Variants in NLGN4X observed in about 807,000 individuals in gnomAD.
The protein encoded by NLGN4X is neuroligin 4 X-linked, also known as neuroligin-4, X-linked.
NLGN4X carries 3 observed loss-of-function variants against 40.3 expected under a neutral mutation model. The observed-to-expected ratio is 0.07, with a 90% CI of 0.03 to 0.19. The LOEUF is 0.19. NLGN4X is among the 10% of genes least tolerant of loss of function. The pLI is 1.00. For missense variants in NLGN4X, 382 were observed against 708.3 expected (o/e 0.54, Z 5.23); for synonymous variants, 270 against 306.8 (o/e 0.88, Z 1.25).
At chrX:6,177,451 C>T (rs892218966) in intron 1 of NLGN4X, among the ~76,000 whole-genome samples, 9 of 112,110 alleles carry the variant, frequency 8.0e-5, no homozygotes, top group African/African-American at 2.9e-4. Flanking sequence ...CAGGCGTGAG[C>T]CACTGCGCCT....
At position 6,175,655 on chromosome X, in the gene NLGN4X, G is replaced by GAA. The variant is rs3045369; in HGVS notation, c.-305-23886_-305-23885dup. Reference sequence around the variant, plus strand: ...TCAAGTTATATCATTATCTATTACAGAAAAAAAAAAAAAAAAAACAAGATA... The same window carrying GAA: ...TCAAGTTATATCATTATCTATTACAGAAAAAAAAAAAAAAAAAAAACAAGATA... On this transcript the variant is annotated intron_variant, in intron 1 of 5. Transcript: ENST00000381095. Among the ~76,000 whole-genome samples the GAA allele has an allele frequency of 3.4e-3, 210 of 60,964 alleles. 2 individuals are homozygous for GAA. The highest frequency in any genetic ancestry group is 0.019 in the South Asian group (15 of 807). 52.9% of individuals were successfully genotyped at this position (60,964 alleles called of 115,157 possible). A position where few individuals can be genotyped will look rare whatever the true frequency, so the allele number is the denominator to read the frequency against.
chrX:5,910,128 C>A (rs1229853365), intron 3 of NLGN4X, among the ~76,000 whole-genome samples: 1 of 111,075 alleles, frequency 9.0e-6, no homozygotes, highest in East Asian at 2.8e-4. Flanking sequence ...TGAAAAATAG[C>A]TTGACCTGGA....
chrX:6,131,111 A>G (rs2039671148), intron 2 of NLGN4X, among the ~76,000 whole-genome samples: 2 of 111,465 alleles, frequency 1.8e-5, no homozygotes, highest in South Asian at 7.7e-4. Flanking sequence ...ATGCCAATCA[A>G]TTTCAAAGAA....
intron 3 of NLGN4X, among the ~76,000 whole-genome samples, chrX:5,935,576 G>T (rs1449574343): frequency 9.0e-6 from 1 of 111,622 alleles, no homozygotes; most frequent in East Asian, 2.8e-4. Context: ...CATAAAATAT[G>T]GTCCAGTAAA....
chrX:5,987,650 T>C (rs772947021), intron 3 of NLGN4X, among the ~76,000 whole-genome samples: 1 of 112,667 alleles, frequency 8.9e-6, no homozygotes, highest in Admixed American at 9.3e-5. Flanking sequence ...ATTTGTGGTT[T>C]CTAATGGTTG....
At position 6,139,460 on chromosome X, in the gene NLGN4X, C is replaced by T. The variant is rs757012275; in HGVS notation, c.472+11535G>A. On this transcript the variant is annotated intron_variant, in intron 2 of 5. Transcript: ENST00000381095. ...AGTTTTGTCTTAGTTTTATCTCTCCCTTCTCCCCAGTTTTGCATCTTTTAT... is the reference window on the plus strand; with the variant it reads ...AGTTTTGTCTTAGTTTTATCTCTCCTTTCTCCCCAGTTTTGCATCTTTTAT... 5.4e-5 allele frequency among the ~76,000 whole-genome samples: 6 copies of T among 111,918 alleles called. No homozygotes were observed. The East Asian group carries it at 1.1e-3, about 21-fold the overall frequency.
chrX:6,174,365 T>C (rs2040676718), intron 1 of NLGN4X, among the ~76,000 whole-genome samples: 1 of 112,174 alleles, frequency 8.9e-6, no homozygotes, highest in Non-Finnish European at 1.9e-5. Flanking sequence ...GGAAAGTAGT[T>C]TGGAGATTTC....
chrX:5,954,281 G>C (rs2146954679), intron 3 of NLGN4X, among the ~76,000 whole-genome samples: 1 of 109,863 alleles, frequency 9.1e-6, no homozygotes, highest in South Asian at 4.0e-4. Flanking sequence ...CTGGAGTGCA[G>C]TGGTGCAATC....
At chrX:5,901,810 T>A (rs908510186) in intron 5 of NLGN4X, among the ~76,000 whole-genome samples, 2 of 107,272 alleles carry the variant, frequency 1.9e-5, no homozygotes, top group Admixed American at 2.0e-4. Flanking sequence ...ATATATATTG[T>A]ATATATATAG....
chrX:6,101,689 T>C (rs2038910913), intron 2 of NLGN4X, among the ~76,000 whole-genome samples: 2 of 110,447 alleles, frequency 1.8e-5, no homozygotes, highest in African/African-American at 6.6e-5. Flanking sequence ...GGGGGTGGGA[T>C]GTGGGGAAGT....
chrX:6,056,397 A>C (rs2037629277), intron 2 of NLGN4X, among the ~76,000 whole-genome samples: 1 of 109,952 alleles, frequency 9.1e-6, no homozygotes, highest in South Asian at 4.0e-4. Context: ...AACTGTTTGA[A>C]CCTGGGAGGC....
rs866326903 is a variant in NLGN4X at position 6,021,016 on chromosome X, C to T, written c.625+8264G>A. ...CCTTCCTTCTTTTCTCTCTCTCTCT[C>T]TCTCTCTCTCTCTCTCTCTCTCTCT... On this transcript the variant is annotated intron_variant, in intron 3 of 5. Transcript: ENST00000381095. Among the ~76,000 whole-genome samples the T allele has an allele frequency of 4.6e-4, 7 of 15,335 alleles. 1 individual carries two copies. The highest frequency in any genetic ancestry group is 0.013 in the East Asian group (2 of 157). 13.3% of individuals were successfully genotyped at this position (15,335 alleles called of 115,157 possible).
At chrX:6,197,210 G>A in intron 1 of NLGN4X, among the ~76,000 whole-genome samples, 1 of 110,972 alleles carries the variant, frequency 9.0e-6, no homozygotes, top group East Asian at 2.8e-4. Context: ...TATTACAGAA[G>A]GCCACAAGAC....
intron 1 of NLGN4X, among the ~76,000 whole-genome samples, chrX:6,210,499 A>G (rs751769533): frequency 9.0e-6 from 1 of 111,535 alleles, no homozygotes; most frequent in East Asian, 2.8e-4. Context: ...TTAAAAATAG[A>G]TAAAACTGAG....
intron 3 of NLGN4X, among the ~76,000 whole-genome samples, chrX:5,958,285 T>A (rs750996080): frequency 8.9e-6 from 1 of 111,825 alleles, no homozygotes; most frequent in Non-Finnish European, 1.9e-5. Flanking sequence ...AAAAGAATAT[T>A]TCATCAAATT....
At chrX:5,954,799 G>C (rs2034440335) in intron 3 of NLGN4X, among the ~76,000 whole-genome samples, 1 of 110,921 alleles carries the variant, frequency 9.0e-6, no homozygotes, top group Admixed American at 9.6e-5. Context: ...CCACTCTTTT[G>C]AAATATCTGG....
intron 3 of NLGN4X, among the ~76,000 whole-genome samples, chrX:5,999,812 C>T: frequency 8.9e-6 from 1 of 112,003 alleles, no homozygotes; most frequent in Non-Finnish European, 1.9e-5. Context: ...CTGAATGTGG[C>T]TTGCACGTTC....
intron 1 of NLGN4X, among the ~76,000 whole-genome samples, chrX:6,185,767 T>C (rs946365384): frequency 8.9e-6 from 1 of 111,921 alleles, no homozygotes; most frequent in East Asian, 2.8e-4. Flanking sequence ...CCAAGATCAA[T>C]CTGTGCAATA....
intron 2 of NLGN4X, among the ~76,000 whole-genome samples, chrX:6,034,012 C>T (rs1342132351): frequency 8.9e-6 from 1 of 112,338 alleles, no homozygotes; most frequent in Non-Finnish European, 1.9e-5. Flanking sequence ...GAAAACACTC[C>T]TCTGTTCTAC....
Sources: gnomAD v4.1 joint callset for allele counts (sites outside exome capture counted in the v4.1 genomes callset) on GRCh38, gnomAD v4.1.1 for gene constraint, MANE v1.5 for transcripts, NCBI Gene and HGNC (gene_info 2026-07-23, HGNC 2026-07-21) for gene names.